PKNOX2: variants seen among roughly 807,000 people sequenced by gnomAD.
PKNOX2 encodes homeobox protein PKNOX2.
Under a neutral mutation model 53.1 loss-of-function variants are expected in PKNOX2, and 14 were observed. The ratio of observed to expected loss-of-function variants is 0.26; its 90% confidence interval spans 0.17 to 0.41. PKNOX2 has a LOEUF of 0.41. Ranked by LOEUF, PKNOX2 falls within the 10% of genes least tolerant of loss-of-function variation. The probability of loss-of-function intolerance (pLI) is 1.00; values close to 1 mark genes in which losing one functional copy is unlikely to be tolerated. For synonymous variants in PKNOX2, 257 were observed against 242.8 expected (o/e 1.06, Z -0.54); for missense variants, 496 against 602.8 (o/e 0.82, Z 1.85).
intron 10 of PKNOX2, among the ~76,000 whole-genome samples, chr11:125,425,460 G>A (rs1409384815): frequency 6.6e-6 from 1 of 152,146 alleles, no homozygotes; most frequent in African/African-American, 2.4e-5. Context: ...TACTTCCAGA[G>A]AGCTACTGTC....
At chr11:125,249,902 C>T (rs1381439881) in intron 2 of PKNOX2, among the ~76,000 whole-genome samples, 2 of 151,984 alleles carry the variant, frequency 1.3e-5, no homozygotes, top group African/African-American at 4.8e-5. Context: ...AAACCCCCAT[C>T]TCTACTAAAA....
intron 5 of PKNOX2, among the ~76,000 whole-genome samples, chr11:125,380,719 G>A (rs1043348416): frequency 2.0e-5 from 3 of 152,188 alleles, no homozygotes; most frequent in Admixed American, 1.3e-4. Flanking sequence ...CTCTAACTGG[G>A]AATCCTTCTC....
intron 7 of PKNOX2, among the ~76,000 whole-genome samples, chr11:125,401,262 G>A (rs922042107): frequency 2.0e-5 from 3 of 152,126 alleles, no homozygotes; most frequent in Non-Finnish European, 4.4e-5. Flanking sequence ...AAAGGGAGAC[G>A]ATACTGAGAA....
At chr11:125,396,140 T>C (rs1442572622) in intron 6 of PKNOX2, among the ~76,000 whole-genome samples, 1 of 151,810 alleles carries the variant, frequency 6.6e-6, no homozygotes, top group Non-Finnish European at 1.5e-5. Context: ...TTTTAGTAGA[T>C]ATGGGGTTTC....
chr11:125,394,754 G>A (rs563764556), intron 6 of PKNOX2, among the ~76,000 whole-genome samples: 9 of 152,206 alleles, frequency 5.9e-5, no homozygotes, highest in African/African-American at 1.2e-4. Flanking sequence ...TATTGCTTGC[G>A]TCAACATAAA....
chr11:125,190,670 C>T (rs966486844), intron 1 of PKNOX2, among the ~76,000 whole-genome samples: 57 of 152,278 alleles, frequency 3.7e-4, no homozygotes, highest in Non-Finnish European at 6.3e-4. Context: ...TGATGGCCAC[C>T]TGTGAACATT....
Position 125,429,003 on chromosome 11 carries a change from T to C in PKNOX2, c.937-9T>C. 2 of 1,611,302 alleles carry C rather than the reference T, an allele frequency of 1.2e-6. No homozygotes were observed. Among genetic ancestry groups the C allele is most frequent in the Non-Finnish European group, 1.7e-6 (2 of 1,177,504 alleles). On this transcript the variant is annotated splice_polypyrimidine_tract_variant and intron_variant, in intron 10 of 12. Coordinates refer to ENST00000298282, the MANE Select transcript of PKNOX2 (RefSeq NM_001382323.2). ...CCCAGCCCTCACTAGTCTCCACCTC[T>C]CGTTTCAGCACCCCTACCCCACGGA... is the stretch of plus-strand genomic sequence containing the variant.
In PKNOX2 at chr11:125,165,025, G is replaced by A. The variant is rs966385542; in HGVS notation, c.-201+249G>A. On this transcript the variant is annotated intron_variant, in intron 1 of 12. Coordinates refer to ENST00000298282, the MANE Select transcript of PKNOX2 (RefSeq NM_001382323.2). This position sits in a 1 kb window ranked among gnomAD's most constrained non-coding sequence, Gnocchi z 4.5. The stretch of plus-strand genomic sequence containing the variant: ...GCGAGGGACGGCGGGAGCGTGCAGA[G>A]AGAAGCTGGGGAAGCGCCGGGAGAG... 1.3e-5 allele frequency among the ~76,000 whole-genome samples: 2 copies of A among 151,676 alleles called. No homozygotes were observed. Among genetic ancestry groups the A allele is most frequent in the East Asian group, 3.9e-4 (2 of 5,128 alleles).
At chr11:125,316,070 G>A (rs1426449672) in intron 2 of PKNOX2, among the ~76,000 whole-genome samples, 4 of 152,172 alleles carry the variant, frequency 2.6e-5, no homozygotes, top group Non-Finnish European at 5.9e-5. Flanking sequence ...GATGGAGGAC[G>A]GACCCAGGGA....
intron 2 of PKNOX2, among the ~76,000 whole-genome samples, chr11:125,304,098 CT>C (rs5795450): frequency 0.2 from 29,768 of 152,088 alleles, 3,477 homozygotes; most frequent in East Asian, 0.33. Context: ...GGAGCTTGGC[CT>C]GATGGATCCG....
chr11:125,302,023 C>T (rs1948107742), intron 2 of PKNOX2, among the ~76,000 whole-genome samples: 1 of 152,218 alleles, frequency 6.6e-6, no homozygotes, highest in Non-Finnish European at 1.5e-5. Context: ...CAGTGCTTGT[C>T]TGACTGGGGC....
intron 3 of PKNOX2, among the ~76,000 whole-genome samples, chr11:125,342,310 C>A (rs886255959): frequency 3.3e-5 from 5 of 152,134 alleles, no homozygotes; most frequent in African/African-American, 7.2e-5. Context: ...GAGGTTGCAC[C>A]AGAGGTGGAA....
chr11:125,424,250 G>C (rs1374083701), intron 10 of PKNOX2, among the ~76,000 whole-genome samples: 1 of 151,966 alleles, frequency 6.6e-6, no homozygotes, highest in Admixed American at 6.6e-5. Context: ...GGATAAAAAT[G>C]AGAGCAAAAA....
At chr11:125,237,373 A>G (rs1278477708) in intron 2 of PKNOX2, among the ~76,000 whole-genome samples, 1 of 152,194 alleles carries the variant, frequency 6.6e-6, no homozygotes, top group African/African-American at 2.4e-5. Flanking sequence ...AAGGGAACAT[A>G]AATACCCCCC....
chr11:125,315,931 G>C lies in PKNOX2; in HGVS notation c.-129-15888G>C, dbSNP rs532163325. 1.5e-3 allele frequency among the ~76,000 whole-genome samples: 233 copies of C among 152,312 alleles called. 2 individuals are homozygous for C. Among genetic ancestry groups the C allele is most frequent in the South Asian group, 7.3e-3 (35 of 4,824 alleles). ...GTCCACAAATATTTATCTTGTGCCT[G>C]ACCTTGTAGCAGGAGCTGTGAGGAT... On this transcript the variant is annotated intron_variant, in intron 2 of 12. Coordinates refer to ENST00000298282, the MANE Select transcript of PKNOX2 (RefSeq NM_001382323.2).
At chr11:125,214,769 CCT>C in intron 1 of PKNOX2, among the ~76,000 whole-genome samples, 1 of 152,150 alleles carries the variant, frequency 6.6e-6, no homozygotes, top group African/African-American at 2.4e-5. Flanking sequence ...TCTCCACCCT[CCT>C]CTTTTTCTCT....
At chr11:125,261,538 C>A (rs1442808782) in intron 2 of PKNOX2, among the ~76,000 whole-genome samples, 1 of 152,216 alleles carries the variant, frequency 6.6e-6, no homozygotes, top group African/African-American at 2.4e-5. Flanking sequence ...GTGGAGACTT[C>A]TTCCACATGC....
intron 2 of PKNOX2, among the ~76,000 whole-genome samples, chr11:125,241,660 G>A (rs1943156045): frequency 6.6e-6 from 1 of 152,284 alleles, no homozygotes; most frequent in East Asian, 1.9e-4. Flanking sequence ...TTCGAGACCA[G>A]ACTGACCAAC....
intron 2 of PKNOX2, among the ~76,000 whole-genome samples, chr11:125,313,512 T>C (rs545605983): frequency 1.3e-5 from 2 of 152,292 alleles, no homozygotes; most frequent in African/African-American, 4.8e-5. Flanking sequence ...GAGCACTGCA[T>C]GGACTTGCAA....
Sources: gnomAD v4.1 joint callset for allele counts (sites outside exome capture counted in the v4.1 genomes callset) on GRCh38, gnomAD v4.1.1 for gene constraint, Gnocchi (gnomAD v3.1) non-coding constraint, MANE v1.5 for transcripts, NCBI Gene and HGNC (gene_info 2026-07-23, HGNC 2026-07-21) for gene names.